Variants in CSMD3 observed in about 807,000 individuals in gnomAD.
CSMD3 encodes CUB and Sushi multiple domains 3, also known as CUB and sushi domain-containing protein 3.
A neutral mutation model predicts 435.2 loss-of-function variants in CSMD3; 177 were observed. The observed-to-expected ratio is 0.41, with a 90% CI of 0.36 to 0.46. The LOEUF (loss-of-function observed/expected upper bound fraction) is 0.46, where lower values mean the gene tolerates loss of function less well. CSMD3 is among the 20% of genes least tolerant of loss of function. The pLI is 0.34. For synonymous variants in CSMD3, 1,656 were observed against 1,520.5 expected (o/e 1.09, Z -2.07); for missense variants, 4,265 against 4,504.6 (o/e 0.95, Z 1.52).
At chr8:112,720,424 C>T (rs1039578572) in intron 13 of CSMD3, among the ~76,000 whole-genome samples, 2 of 152,054 alleles carry the variant, frequency 1.3e-5, no homozygotes, top group Non-Finnish European at 2.9e-5. Flanking sequence ...AGGCATTCTA[C>T]CCAAATTATG....
At chr8:112,918,299 T>C (rs2082632190) in intron 10 of CSMD3, among the ~76,000 whole-genome samples, 1 of 151,870 alleles carries the variant, frequency 6.6e-6, no homozygotes, top group Admixed American at 6.6e-5. Context: ...TGGTTGTTTT[T>C]AGTATTTTCC....
intron 13 of CSMD3, among the ~76,000 whole-genome samples, chr8:112,757,951 G>A (rs969418119): frequency 1.3e-5 from 2 of 152,144 alleles, no homozygotes; most frequent in African/African-American, 4.8e-5. Context: ...AGCTACTCAG[G>A]GGGCTGAGGC....
Position 112,876,752 on chromosome 8 carries a change from G to A in CSMD3, c.1634-17486C>T, listed in dbSNP as rs1404895411. Among the ~76,000 whole-genome samples, 6 of 152,086 alleles carry A rather than the reference G, an allele frequency of 3.9e-5. No homozygotes were observed. The East Asian group carries it at 1.2e-3, about 29-fold the overall frequency. ...TATTCAACATAGTATTGGAAGTTCT[G>A]GCCAGGGAAATCAGGCAAGAGAAAC... On this transcript the variant is annotated intron_variant, in intron 10 of 70. Transcript: ENST00000297405.
At chr8:112,325,566 A>T (rs1285469525) in intron 45 of CSMD3, among the ~76,000 whole-genome samples, 1 of 152,104 alleles carries the variant, frequency 6.6e-6, no homozygotes, top group African/African-American at 2.4e-5. Flanking sequence ...GGCATAATCC[A>T]GTGTTCAGCA....
At chr8:112,526,254 G>C (rs768624556) in intron 27 of CSMD3, among the ~76,000 whole-genome samples, 4 of 151,832 alleles carry the variant, frequency 2.6e-5, no homozygotes, top group Non-Finnish European at 5.9e-5. Flanking sequence ...CAATATCATA[G>C]TAGGGCATTT....
At chr8:112,576,139 T>G (rs1310671603) in intron 23 of CSMD3, among the ~76,000 whole-genome samples, 1 of 152,074 alleles carries the variant, frequency 6.6e-6, no homozygotes, top group African/African-American at 2.4e-5. Flanking sequence ...TTGCCAAAAA[T>G]AGTCAAATAA....
intron 16 of CSMD3, among the ~76,000 whole-genome samples, chr8:112,681,342 G>A (rs1009357457): frequency 3.3e-5 from 5 of 151,582 alleles, no homozygotes; most frequent in Non-Finnish European, 4.4e-5. Context: ...GTGAGCCACC[G>A]TGCCCAGCCC....
chr8:112,774,078 T>C (rs16884094), intron 13 of CSMD3, among the ~76,000 whole-genome samples: 3,803 of 152,096 alleles, frequency 0.025, 79 homozygotes, highest in East Asian at 0.074. Flanking sequence ...TGGAAACTCA[T>C]ACTTTTTTTG....
intron 3 of CSMD3, among the ~76,000 whole-genome samples, chr8:113,236,143 T>G (rs574488246): frequency 6.6e-6 from 1 of 152,318 alleles, no homozygotes; most frequent in South Asian, 2.1e-4. Context: ...AGATTTTATA[T>G]GCTAATGATA....
intron 3 of CSMD3, among the ~76,000 whole-genome samples, chr8:113,219,482 AT>A (rs2092943186): frequency 6.6e-6 from 1 of 151,610 alleles, no homozygotes; most frequent in South Asian, 2.1e-4. Flanking sequence ...TAACAAAAAA[AT>A]GTTCAGAAAT....
chr8:112,446,748 T>TC (rs968217952), intron 32 of CSMD3, among the ~76,000 whole-genome samples: 2 of 152,236 alleles, frequency 1.3e-5, no homozygotes, highest in African/African-American at 4.8e-5. Flanking sequence ...TAGTTTGCTT[T>TC]CAGGGTTTAC....
rs1389355565 is a variant in CSMD3 at position 112,231,615 on chromosome 8, A to C, written c.10758T>G (p.Asp3586Glu). Residue 3586 changes from aspartate to glutamate, a missense_variant, in exon 69 of 71, where the codon GAT (aspartate) becomes GAG (glutamate). By Grantham distance (45) the Asp-to-Glu change is conservative (BLOSUM62 2). Coordinates refer to ENST00000297405, the MANE Select transcript of CSMD3 (RefSeq NM_198123.2). The stretch of plus-strand genomic sequence containing the variant: ...ATCCTTGAAATACATAAGTAGCTCC[A>C]TCAGGCTCAGCAGAAACCTAAAAAT... Reference protein sequence around the residue: ...AMDGFVSAEPDGATYVFQGFI... With the variant: ...AMDGFVSAEPEGATYVFQGFI... 3.1e-6 allele frequency: 5 copies of C among 1,610,720 alleles called. No individual in the cohort carries two copies. Among genetic ancestry groups the C allele is most frequent in the Non-Finnish European group, 4.2e-6 (5 of 1,177,334 alleles).
rs188809964 is a variant in CSMD3, at chr8:112,419,402, T to C, written c.5396-10370A>G. Among the ~76,000 whole-genome samples the C allele has an allele frequency of 5.3e-5, 8 of 152,300 alleles. No homozygotes were observed. The East Asian group carries it at 1.5e-3, about 29-fold the overall frequency. ...GTGAAAATCTTAATATGTATTGCTA[T>C]TTTGTAGTAATTAGGAAATACAATA... On this transcript the variant is annotated intron_variant, in intron 32 of 70. Coordinates refer to ENST00000297405, the MANE Select transcript of CSMD3 (RefSeq NM_198123.2).
chr8:113,061,133 C>T (rs1032161372), intron 5 of CSMD3, among the ~76,000 whole-genome samples: 9 of 152,150 alleles, frequency 5.9e-5, no homozygotes, highest in East Asian at 1.9e-4. Context: ...GGGCCATAAC[C>T]CTGTTATCTC....
At chr8:112,788,089 C>T (rs577235288) in intron 13 of CSMD3, among the ~76,000 whole-genome samples, 6 of 152,076 alleles carry the variant, frequency 3.9e-5, no homozygotes, top group African/African-American at 1.4e-4. Flanking sequence ...ACCATGTACC[C>T]ATAAAAATGA....
intron 32 of CSMD3, among the ~76,000 whole-genome samples, chr8:112,450,197 A>T (rs1291232842): frequency 6.6e-6 from 1 of 152,156 alleles, no homozygotes; most frequent in African/African-American, 2.4e-5. Flanking sequence ...AGTTTGGGAG[A>T]CTTGTCCAAT....
At chr8:113,216,758 T>C (rs887802441) in intron 3 of CSMD3, among the ~76,000 whole-genome samples, 4 of 151,890 alleles carry the variant, frequency 2.6e-5, no homozygotes, top group African/African-American at 7.2e-5. Context: ...TGGCTCCTTT[T>C]GACCTGAGAA....
intron 17 of CSMD3, among the ~76,000 whole-genome samples, chr8:112,665,155 T>G (rs1413010640): frequency 1.3e-5 from 2 of 152,186 alleles, no homozygotes; most frequent in Admixed American, 6.6e-5. Flanking sequence ...CATATCTATA[T>G]AAGTCAAATG....
At chr8:113,276,863 C>T (rs563286698) in intron 3 of CSMD3, among the ~76,000 whole-genome samples, 1 of 152,028 alleles carries the variant, frequency 6.6e-6, no homozygotes, top group South Asian at 2.1e-4. Context: ...GCCAAACATA[C>T]ATTTAAATGT....
Sources: allele counts gnomAD v4.1 joint callset (sites outside exome capture counted in the v4.1 genomes callset), GRCh38; gene constraint gnomAD v4.1.1; transcripts MANE v1.5; gene names NCBI Gene and HGNC (gene_info 2026-07-23, HGNC 2026-07-21).